The following JAKMIP3 variants were observed in gnomAD, a reference collection of about 807,000 sequenced individuals.
The protein encoded by JAKMIP3 is janus kinase and microtubule-interacting protein 3.
A neutral mutation model predicts 118.5 loss-of-function variants in JAKMIP3; 58 were observed. That is an observed-to-expected ratio of 0.49 (90% CI 0.40 to 0.61). JAKMIP3 has a LOEUF of 0.61. Among genes scored for constraint, JAKMIP3 ranks in the 20% least tolerant of loss-of-function variants. JAKMIP3 has a pLI of 0.00. For synonymous variants in JAKMIP3, 486 were observed against 451.2 expected (o/e 1.08, Z -0.98); for missense variants, 950 against 1,109.0 (o/e 0.86, Z 2.04).
intron 19 of JAKMIP3, among the ~76,000 whole-genome samples, chr10:132,156,611 C>A (rs1209038129): frequency 6.6e-6 from 1 of 152,170 alleles, no homozygotes; most frequent in Non-Finnish European, 1.5e-5. Flanking sequence ...CTCTAGGAAA[C>A]CTTCCCTGAC....
Position 132,180,684 on chromosome 10 carries a change from TGTGTGTGCGTGCGTGTGTGTGTGCGC to T in JAKMIP3, c.*1104-1665_*1104-1640del, listed in dbSNP as rs2061057484. On this transcript the variant is annotated intron_variant, in intron 23 of 23. Coordinates refer to ENST00000684848, the MANE Select transcript of JAKMIP3 (RefSeq NM_001323087.2). ...GTGTGTGCGTGTGTGTGCGCGCGCG[TGTGTGTGCGTGCGTGTGTGTGTGCGC>T]GTGTGTGTGCGTGTGTGTGCGTGTG... 3.0e-4 allele frequency among the ~76,000 whole-genome samples: 5 copies of T among 16,826 alleles called. 2 individuals carry two copies. The highest frequency in any genetic ancestry group is 5.9e-4 in the Non-Finnish European group (5 of 8,424). 11.0% of individuals were successfully genotyped at this position (16,826 alleles called of 152,430 possible).
chr10:132,116,795 A>G (rs1228984786), intron 2 of JAKMIP3, among the ~76,000 whole-genome samples: 1 of 111,386 alleles, frequency 9.0e-6, no homozygotes, highest in East Asian at 2.6e-4. Flanking sequence ...TTCAGGTGTG[A>G]GTGTGTGCAT....
upstream of JAKMIP3, among the ~76,000 whole-genome samples, chr10:132,065,047 C>G (rs1335667996): frequency 2.0e-5 from 3 of 152,150 alleles, no homozygotes; most frequent in Non-Finnish European, 4.4e-5. The surrounding 1 kb of genome is among the most constrained non-coding windows in gnomAD (Gnocchi z 5.6). Context: ...CAGGCCTGCT[C>G]TGGGGTCCAG....
At chr10:132,045,251 C>T (rs367736799) in intron 1 of JAKMIP3, among the ~76,000 whole-genome samples, 12 of 152,174 alleles carry the variant, frequency 7.9e-5, no homozygotes, top group African/African-American at 2.7e-4. Flanking sequence ...GCAGCTGGGT[C>T]TGCGTTTCCC....
intron 4 of JAKMIP3, 115 bp downstream of exon 4, chr10:132,133,642 G>A (rs1397780148): frequency 2.1e-6 from 2 of 953,766 alleles, no homozygotes; most frequent in Non-Finnish European, 3.1e-6. Context: ...AGTTGAGGCA[G>A]CACCCTCCTG....
intron 8 of JAKMIP3, 119 bp from the exon 9 acceptor site, chr10:132,138,000 G>C: frequency 1.1e-6 from 1 of 926,282 alleles, no homozygotes; most frequent in Non-Finnish European, 1.7e-6. Context: ...GTGGGGACAA[G>C]CCAGCCCAGA....
Position 132,117,050 on chromosome 10 carries a change from A to G in JAKMIP3, c.136-27A>G, listed in dbSNP as rs2047798316. On this transcript the variant is annotated intron_variant, in intron 2 of 23. Transcript: ENST00000684848. The surrounding 1 kb of genome is among the most constrained non-coding windows in gnomAD (Gnocchi z 8.6). ...TGTGTGCATGGCTGGAGCTCCTGCC[A>G]CACTCAGTCTCGCTGTTGTCTTTCA... is the stretch of plus-strand genomic sequence containing the variant. 1.3e-6 allele frequency: 2 copies of G among 1,582,538 alleles called. No individual in the cohort carries two copies. The highest frequency in any genetic ancestry group is 1.7e-6 in the Non-Finnish European group (2 of 1,160,586).
chr10:132,154,842 T>TAGC (rs200159240), intron 19 of JAKMIP3, among the ~76,000 whole-genome samples: 20,955 of 124,872 alleles, frequency 0.17, 1,625 homozygotes, highest in South Asian at 0.26. Context: ...GTGATGGTGG[T>TAGC]GGCGGTGGTG....
intron 1 of JAKMIP3, among the ~76,000 whole-genome samples, chr10:132,075,407 C>CTT (rs375237424): frequency 0.52 from 59,384 of 113,674 alleles, 16,577 homozygotes; most frequent in Admixed American, 0.62. Context: ...TACTTCACCT[C>CTT]TTTTTTTTTT....
At chr10:132,048,012 C>T (rs1292712900) in intron 1 of JAKMIP3, among the ~76,000 whole-genome samples, 1 of 152,232 alleles carries the variant, frequency 6.6e-6, no homozygotes, top group Non-Finnish European at 1.5e-5. Context: ...GAAGACTTCT[C>T]GTCTGTTATT....
rs751198172 is a variant in JAKMIP3, at chr10:132,153,799, G to A, written c.2114G>A (p.Arg705Gln). The A allele has an allele frequency of 6.6e-5, 106 of 1,612,932 alleles. No individual in the cohort carries two copies. The highest frequency in any genetic ancestry group is 8.4e-5 in the Non-Finnish European group (99 of 1,179,870). Reference sequence around the variant, plus strand: ...GAGGAGACAGAGGCGGCGCTGCAGCGGAAGATGGTGGATCTGGAGAGCGAG... The same window carrying A: ...GAGGAGACAGAGGCGGCGCTGCAGCAGAAGATGGTGGATCTGGAGAGCGAG... ...QIEETEAALQRKMVDLESEKE... is the reference protein window; with the variant it reads ...QIEETEAALQQKMVDLESEKE... The change falls in exon 18 of 24, where the codon CGG becomes CAG. Residue 705 changes from arginine to glutamine, a missense_variant. Coordinates refer to ENST00000684848, the MANE Select transcript of JAKMIP3 (RefSeq NM_001323087.2).
chr10:132,088,328 T>C (rs1171983882), intron 1 of JAKMIP3, among the ~76,000 whole-genome samples: 1 of 152,180 alleles, frequency 6.6e-6, no homozygotes, highest in Non-Finnish European at 1.5e-5. Context: ...CCACCAACAG[T>C]GTAAAACTGT....
intron 1 of JAKMIP3, among the ~76,000 whole-genome samples, chr10:132,099,165 C>T (rs916071529): frequency 6.6e-6 from 1 of 152,050 alleles, no homozygotes; most frequent in Non-Finnish European, 1.5e-5. Flanking sequence ...AATCCAGAGG[C>T]TCAACACTGA....
Position 132,104,907 on chromosome 10 carries a change from A to G in JAKMIP3, c.99A>G (p.Thr33=), listed in dbSNP as rs1434594466. 2 of 1,589,108 alleles carry G rather than the reference A, an allele frequency of 1.3e-6. No homozygotes were observed. The highest frequency in any genetic ancestry group is 1.7e-6 in the Non-Finnish European group (2 of 1,168,070). ...AANEDLRAKL[T]DIQIELQQEK... ...ACGAGGATCTTCGAGCCAAGCTCAC[A>G]GACATCCAGATCGAGCTGCAGCAGG... The change falls in exon 2 of 24, where the codon ACA becomes ACG. Residue 33 remains threonine, a synonymous_variant. Coordinates refer to ENST00000684848, the MANE Select transcript of JAKMIP3 (RefSeq NM_001323087.2).
At chr10:132,057,708 C>A (rs772672590) in intron 1 of JAKMIP3, among the ~76,000 whole-genome samples, 1 of 152,176 alleles carries the variant, frequency 6.6e-6, no homozygotes, top group Non-Finnish European at 1.5e-5. Flanking sequence ...GCAGGGGTGT[C>A]GACCCCTTGG....
chr10:132,123,657 C>T (rs1263522433), intron 3 of JAKMIP3, among the ~76,000 whole-genome samples: 1 of 152,142 alleles, frequency 6.6e-6, no homozygotes, highest in East Asian at 1.9e-4. Context: ...CTGATGGCGT[C>T]GCTCAGAGTC....
chr10:132,104,219 C>T (rs2045552918), intron 1 of JAKMIP3, among the ~76,000 whole-genome samples: 1 of 151,880 alleles, frequency 6.6e-6, no homozygotes, highest in Admixed American at 6.5e-5. Flanking sequence ...GCTTTCCGCA[C>T]TTCTGGGCAT....
rs191309997 is a variant in JAKMIP3, at chr10:132,116,465, G to A, written c.136-612G>A. 1.7e-3 allele frequency among the ~76,000 whole-genome samples: 254 copies of A among 146,792 alleles called. 4 individuals are homozygous for A. Among genetic ancestry groups the A allele is most frequent in the African/African-American group, 5.9e-3 (231 of 39,046 alleles). ...TCCCCCCAAATGCACATTCAAGTGT[G>A]TGTGTGCAACGTGGAAGCTCCCCCA... On this transcript the variant is annotated intron_variant, in intron 2 of 23. Coordinates refer to ENST00000684848, the MANE Select transcript of JAKMIP3 (RefSeq NM_001323087.2).
At chr10:132,156,232 C>T (rs2057077827) in intron 19 of JAKMIP3, among the ~76,000 whole-genome samples, 1 of 152,190 alleles carries the variant, frequency 6.6e-6, no homozygotes, top group African/African-American at 2.4e-5. Flanking sequence ...TCTCTGTCCC[C>T]CGAAGCTTCT....
Sources: gnomAD v4.1 joint callset for allele counts (sites outside exome capture counted in the v4.1 genomes callset) on GRCh38, gnomAD v4.1.1 for gene constraint, Gnocchi (gnomAD v3.1) non-coding constraint, MANE v1.5 for transcripts, NCBI Gene and HGNC (gene_info 2026-07-23, HGNC 2026-07-21) for gene names.